Variants in ZDHHC15 observed in about 807,000 individuals in gnomAD.
ZDHHC15 encodes zDHHC palmitoyltransferase 15.
ZDHHC15 carries 19 observed loss-of-function variants against 31.7 expected under a neutral mutation model. The observed-to-expected ratio is 0.60, with a 90% CI of 0.42 to 0.88. The LOEUF is 0.88. Among genes scored for constraint, ZDHHC15 ranks in the 40% least tolerant of loss-of-function variants. The pLI is 0.00. For missense variants in ZDHHC15, 209 were observed against 251.2 expected (o/e 0.83, Z 1.14); for synonymous variants, 103 against 90.0 (o/e 1.14, Z -0.82).
intron 2 of ZDHHC15, among the ~76,000 whole-genome samples, chrX:75,482,104 C>T (rs1484773637): frequency 9.1e-6 from 1 of 110,311 alleles, no homozygotes; most frequent in East Asian, 2.9e-4. Flanking sequence ...AGTTGTTTCC[C>T]AATAGATGAT....
At chrX:75,425,946 G>C in intron 7 of ZDHHC15, among the ~76,000 whole-genome samples, 1 of 111,449 alleles carries the variant, frequency 9.0e-6, no homozygotes, top group African/African-American at 3.3e-5. Flanking sequence ...GTCAGATGCT[G>C]TCAGCTGAGT....
At chrX:75,493,218 C>A (rs1394195464) in intron 2 of ZDHHC15, among the ~76,000 whole-genome samples, 2 of 111,423 alleles carry the variant, frequency 1.8e-5, no homozygotes, top group Non-Finnish European at 3.8e-5. Flanking sequence ...ATACATCCTC[C>A]CAAGACTAAA....
chrX:75,369,890 G>A lies in ZDHHC15; in HGVS notation c.*3088C>T, dbSNP rs923270742. Reference sequence around the variant, plus strand: ...AATGTACTGAACATGGTAACTGTGAGCCCTGCATAAGACAGCTGTGTTCCA... The same window carrying A: ...AATGTACTGAACATGGTAACTGTGAACCCTGCATAAGACAGCTGTGTTCCA... On this transcript the variant is annotated 3_prime_UTR_variant, in exon 12 of 12. Coordinates refer to ENST00000373367, the MANE Select transcript of ZDHHC15 (RefSeq NM_144969.3). 9.0e-6 allele frequency: 1 copy of A among 111,680 alleles called. No individual in the cohort carries two copies. Among genetic ancestry groups the A allele is most frequent in the African/African-American group, 3.3e-5 (1 of 30,666 alleles). The allele number at this position is 111,680 out of a possible 1,213,427, so 9.2% of individuals were successfully genotyped here.
At chrX:75,387,075 A>C (rs775427870) in intron 10 of ZDHHC15, among the ~76,000 whole-genome samples, 3 of 111,755 alleles carry the variant, frequency 2.7e-5, no homozygotes, top group East Asian at 2.8e-4. Context: ...TGTTTACTAG[A>C]TCCTAGGAAA....
In ZDHHC15 at chrX:75,461,464, A is replaced by G. The variant is rs142985214; in HGVS notation, c.259-10542T>C. On this transcript the variant is annotated intron_variant, in intron 3 of 11. Transcript: ENST00000373367. ...AGTAAGATACTCCATGAGAAAATCA[A>G]TTCCAAGACACATAATCATCAGATT... Among the ~76,000 whole-genome samples, 475 of 111,256 alleles carry G rather than the reference A, an allele frequency of 4.3e-3. 20 individuals are homozygous for G. The East Asian group carries it at 0.12, about 27-fold the overall frequency.
At chrX:75,521,091 G>A (rs1317139724) in intron 1 of ZDHHC15, among the ~76,000 whole-genome samples, 1 of 110,440 alleles carries the variant, frequency 9.1e-6, no homozygotes. Flanking sequence ...GGTGAGAAGA[G>A]TTTGGTATGA....
intron 2 of ZDHHC15, among the ~76,000 whole-genome samples, chrX:75,484,968 G>T (rs912419119): frequency 1.8e-5 from 2 of 111,571 alleles, no homozygotes; most frequent in Non-Finnish European, 3.8e-5. Context: ...AATACAAAAG[G>T]CTCCATACTG....
intron 3 of ZDHHC15, among the ~76,000 whole-genome samples, chrX:75,453,655 C>G (rs2084163880): frequency 9.0e-6 from 1 of 111,322 alleles, no homozygotes; most frequent in African/African-American, 3.3e-5. Context: ...TACTGACAAA[C>G]CGAATCCAGC....
intron 3 of ZDHHC15, among the ~76,000 whole-genome samples, chrX:75,451,298 C>T (rs2084113369): frequency 9.0e-6 from 1 of 111,484 alleles, no homozygotes; most frequent in Non-Finnish European, 1.9e-5. Flanking sequence ...ACATTTTTGC[C>T]AGGGCCCTGT....
At chrX:75,418,623 G>A (rs1050754113) in intron 9 of ZDHHC15, among the ~76,000 whole-genome samples, 2 of 111,698 alleles carry the variant, frequency 1.8e-5, no homozygotes, top group African/African-American at 6.5e-5. Flanking sequence ...CAGATATATA[G>A]GCCAATGGAA....
intron 3 of ZDHHC15, among the ~76,000 whole-genome samples, chrX:75,467,627 G>A (rs1253028349): frequency 8.9e-6 from 1 of 112,170 alleles, no homozygotes; most frequent in Non-Finnish European, 1.9e-5. Context: ...TATTTGTAGT[G>A]GATGTCTAAA....
chrX:75,425,480 C>A (rs1424642675), intron 7 of ZDHHC15, among the ~76,000 whole-genome samples: 1 of 111,980 alleles, frequency 8.9e-6, no homozygotes, highest in African/African-American at 3.2e-5. Flanking sequence ...CATGTGGCAC[C>A]AGCCTTTTTT....
intron 2 of ZDHHC15, among the ~76,000 whole-genome samples, chrX:75,494,611 C>G (rs1167752986): frequency 1.8e-5 from 2 of 111,355 alleles, no homozygotes; most frequent in East Asian, 2.8e-4. Context: ...CAGAACAGAG[C>G]CCTCAGAAAT....
intron 7 of ZDHHC15, 112 bp from the exon 8 acceptor site, chrX:75,424,896 A>C: frequency 1.2e-6 from 1 of 838,778 alleles, no homozygotes; most frequent in Non-Finnish European, 1.6e-6. Flanking sequence ...GCTGTAATTT[A>C]AAAAATAGAT....
chrX:75,417,731 T>C (rs1304065514), intron 9 of ZDHHC15, among the ~76,000 whole-genome samples: 1 of 111,743 alleles, frequency 8.9e-6, no homozygotes, highest in African/African-American at 3.3e-5. Flanking sequence ...ATTATCCACA[T>C]GTGGGGTCTC....
Position 75,391,312 on chromosome X carries a change from G to C in ZDHHC15, c.968-12114C>G, listed in dbSNP as rs2083240126. Among the ~76,000 whole-genome samples, 8 of 111,854 alleles carry C rather than the reference G, an allele frequency of 7.2e-5. No individual in the cohort carries two copies. The Admixed American group carries it at 7.6e-4, about 11-fold the overall frequency. On this transcript the variant is annotated intron_variant, in intron 10 of 11. Coordinates refer to ENST00000373367, the MANE Select transcript of ZDHHC15 (RefSeq NM_144969.3). Reference sequence around the variant, plus strand: ...ATAGGGGTAGAAAGTTTATTCAAAGGAATAATGACAGAATTTCCCAAACCT... The same window carrying C: ...ATAGGGGTAGAAAGTTTATTCAAAGCAATAATGACAGAATTTCCCAAACCT...
intron 1 of ZDHHC15, among the ~76,000 whole-genome samples, chrX:75,507,358 A>AT (rs368146129): frequency 0.025 from 2,629 of 103,756 alleles, 54 homozygotes; most frequent in African/African-American, 0.077. Context: ...GTCCAAGGGA[A>AT]TTTTTTTTTT....
chrX:75,424,715 C>CA lies in ZDHHC15; in HGVS notation c.672dup (p.Val225CysfsTer53). ...TAACCAAAGAGAATCACAAGGCTGA[C>CA]AAAAAACATGCAGGCCACAAAGAGA... is the stretch of plus-strand genomic sequence containing the variant. On this transcript the variant is annotated frameshift_variant, in exon 8 of 12. Coordinates refer to ENST00000373367, the MANE Select transcript of ZDHHC15 (RefSeq NM_144969.3). LOFTEE classifies it high-confidence loss of function. 8.3e-7 allele frequency: 1 copy of CA among 1,206,941 alleles called. No individual in the cohort carries two copies. Among genetic ancestry groups the CA allele is most frequent in the Non-Finnish European group, 1.1e-6 (1 of 893,353 alleles).
At chrX:75,489,943 G>A (rs1297587375) in intron 2 of ZDHHC15, among the ~76,000 whole-genome samples, 2 of 112,340 alleles carry the variant, frequency 1.8e-5, no homozygotes, top group Middle Eastern at 4.6e-3. Flanking sequence ...TGTGACGAAT[G>A]CACTAGCCTC....
Sources: allele counts gnomAD v4.1 joint callset (sites outside exome capture counted in the v4.1 genomes callset), GRCh38; gene constraint gnomAD v4.1.1; transcripts MANE v1.5; gene names NCBI Gene and HGNC (gene_info 2026-07-23, HGNC 2026-07-21).